Variants in KCNMA1 observed in about 807,000 individuals in gnomAD.
KCNMA1 encodes Calcium-activated potassium channel subunit alpha-1.
KCNMA1 carries 29 observed loss-of-function variants against 140.0 expected under a neutral mutation model. That is an observed-to-expected ratio of 0.21 (90% confidence interval 0.15 to 0.28). KCNMA1 has a LOEUF of 0.28. Among genes scored for constraint, KCNMA1 ranks in the 10% least tolerant of loss-of-function variants. The pLI is 1.00. For missense variants in KCNMA1, 880 were observed against 1,602.2 expected (o/e 0.55, Z 7.70); for synonymous variants, 612 against 611.9 (o/e 1.00, Z 0.00).
rs201259393 is a variant in KCNMA1 at position 76,930,890 on chromosome 10, GA to G, written c.2902+13882del. On this transcript the variant is annotated intron_variant, in intron 23 of 27. Coordinates refer to ENST00000286628, the MANE Select transcript of KCNMA1 (RefSeq NM_001161352.2). ...TGCTAAGTGAAATAAGCCAGTTATA[GA>G]AGGACAAATACTGTATGATCTCACT... 8.5e-5 allele frequency among the ~76,000 whole-genome samples: 13 copies of G among 152,250 alleles called. No individual in the cohort carries two copies. The East Asian group carries it at 2.5e-3, about 29-fold the overall frequency.
At chr10:77,382,730 TGGTG>T in intron 2 of KCNMA1, among the ~76,000 whole-genome samples, 1 of 150,618 alleles carries the variant, frequency 6.6e-6, no homozygotes, top group Non-Finnish European at 1.5e-5. Context: ...CTCGGTGTGG[TGGTG>T]GGTGCCTGTA....
At chr10:77,148,189 G>A (rs888903121) in intron 5 of KCNMA1, 1 of 152,152 alleles carries the variant, frequency 6.6e-6, no homozygotes, top group Non-Finnish European at 1.5e-5. Context: ...TATGGCAAGA[G>A]AGAAACAACT....
chr10:77,594,390 G>A (rs995016992), intron 1 of KCNMA1, among the ~76,000 whole-genome samples: 2 of 152,156 alleles, frequency 1.3e-5, no homozygotes, highest in Non-Finnish European at 2.9e-5. Flanking sequence ...CATGCAGAGG[G>A]TGACCCAGGC....
chr10:76,941,103 G>GAAA (rs2062094961), intron 23 of KCNMA1, among the ~76,000 whole-genome samples: 1 of 56,220 alleles, frequency 1.8e-5, no homozygotes, highest in Non-Finnish European at 3.6e-5. Flanking sequence ...AAGAAAGAAG[G>GAAA]GAGGGAGGGA....
At chr10:77,205,233 G>T (rs1051708818) in intron 3 of KCNMA1, among the ~76,000 whole-genome samples, 1 of 152,140 alleles carries the variant, frequency 6.6e-6, no homozygotes. Flanking sequence ...TGCTTCAAAT[G>T]ATATATTTTT....
At chr10:77,379,959 C>G (rs186552029) in intron 2 of KCNMA1, among the ~76,000 whole-genome samples, 24 of 152,256 alleles carry the variant, frequency 1.6e-4, no homozygotes, top group African/African-American at 5.8e-4. Context: ...AATGCGGTAC[C>G]TACTCTCATA....
At chr10:77,059,240 C>A (rs758379564) in intron 14 of KCNMA1, among the ~76,000 whole-genome samples, 29 of 151,726 alleles carry the variant, frequency 1.9e-4, no homozygotes, top group Non-Finnish European at 3.5e-4. Flanking sequence ...AATCTAGGCC[C>A]AAACCTAGTA....
At chr10:77,054,008 C>A (rs908446434) in intron 14 of KCNMA1, among the ~76,000 whole-genome samples, 1 of 152,088 alleles carries the variant, frequency 6.6e-6, no homozygotes, top group Admixed American at 6.5e-5. Flanking sequence ...AGCCGCACAA[C>A]CCCCCTCACA....
chr10:77,257,634 T>C (rs507273), intron 2 of KCNMA1, among the ~76,000 whole-genome samples: 3 of 152,208 alleles, frequency 2.0e-5, no homozygotes, highest in African/African-American at 4.8e-5. Flanking sequence ...ACCCAAATCT[T>C]ATCTTGAACT....
chr10:77,343,050 G>A (rs1456307657), intron 2 of KCNMA1, among the ~76,000 whole-genome samples: 1 of 152,122 alleles, frequency 6.6e-6, no homozygotes, highest in Non-Finnish European at 1.5e-5. Context: ...AGGCTTTGTG[G>A]ATTTATGTCT....
intron 5 of KCNMA1, among the ~76,000 whole-genome samples, chr10:77,169,551 G>A (rs1465880823): frequency 6.6e-6 from 1 of 151,874 alleles, no homozygotes; most frequent in Non-Finnish European, 1.5e-5. Context: ...CACCATGCCG[G>A]GCTAATTTTT....
At chr10:76,978,367 T>C (rs929937813) in intron 19 of KCNMA1, 4 of 152,238 alleles carry the variant, frequency 2.6e-5, no homozygotes, top group African/African-American at 9.6e-5. Context: ...ATCCATTCCA[T>C]TAAATCATTT....
chr10:77,184,761 G>T, intron 4 of KCNMA1, 62 bp downstream of exon 4: 1 of 1,018,530 alleles, frequency 9.8e-7, no homozygotes, highest in South Asian at 1.3e-5. Context: ...TGAGGGGGAT[G>T]ATCCCTGGGT....
chr10:76,998,224 T>C (rs2085024249), intron 19 of KCNMA1, among the ~76,000 whole-genome samples: 2 of 152,126 alleles, frequency 1.3e-5, no homozygotes, highest in Admixed American at 1.3e-4. Context: ...TTTTAATATA[T>C]TACCATTCCT....
chr10:77,381,828 C>A (rs1410499481), intron 2 of KCNMA1, among the ~76,000 whole-genome samples: 2 of 152,188 alleles, frequency 1.3e-5, no homozygotes, highest in Admixed American at 6.5e-5. Flanking sequence ...TAGGCACTAA[C>A]CCCTAAGAAG....
At chr10:77,085,613 G>A (rs969728988) in intron 11 of KCNMA1, among the ~76,000 whole-genome samples, 1 of 152,048 alleles carries the variant, frequency 6.6e-6, no homozygotes, top group Admixed American at 6.5e-5. Flanking sequence ...ATCATTCCTG[G>A]ATTTTGAGGG....
chr10:76,977,648 C>T (rs1309015892), intron 19 of KCNMA1: 3 of 702,892 alleles, frequency 4.3e-6, no homozygotes, highest in African/African-American at 3.5e-5. Context: ...CCTGCCAAGA[C>T]AGCCAAATAA....
Position 77,275,623 on chromosome 10 carries a change from G to A in KCNMA1, c.541-24367C>T, listed in dbSNP as rs575928653. The stretch of plus-strand genomic sequence containing the variant: ...GTCCCAATTGTTGCTCCCCTAGTGA[G>A]GGCACAGCTGGCCTAACCACTCACA... On this transcript the variant is annotated intron_variant, in intron 2 of 27. Transcript: ENST00000286628. Among the ~76,000 whole-genome samples, 6 of 152,288 alleles carry A rather than the reference G, an allele frequency of 3.9e-5. No individual in the cohort carries two copies. In the South Asian group the frequency reaches 8.3e-4, roughly 21 times the overall value.
At chr10:76,882,431 G>A (rs930094746), downstream of KCNMA1, among the ~76,000 whole-genome samples, 4 of 152,070 alleles carry the variant, frequency 2.6e-5, no homozygotes, top group South Asian at 2.1e-4. Flanking sequence ...CCTGTCCCGC[G>A]CTTGTGATAG....
Sources: gnomAD v4.1 joint callset for allele counts (sites outside exome capture counted in the v4.1 genomes callset) on GRCh38, gnomAD v4.1.1 for gene constraint, MANE v1.5 for transcripts, NCBI Gene and HGNC (gene_info 2026-07-23, HGNC 2026-07-21) for gene names.